HMGB1: variants seen among roughly 807,000 people sequenced by gnomAD.
HMGB1 encodes high mobility group box 1, also known as high mobility group protein B1.
For synonymous variants in HMGB1, 81 were observed against 84.0 expected (o/e 0.96, Z 0.19); for missense variants, 79 against 253.5 (o/e 0.31, Z 4.67).
At chr13:30,466,463 C>T (rs1040100458), upstream of HMGB1, among the ~76,000 whole-genome samples, 8 of 152,194 alleles carry the variant, frequency 5.3e-5, no homozygotes, top group Non-Finnish European at 4.4e-5. Flanking sequence ...TCGAGCCCCT[C>T]AAAGGTCTCT....
At chr13:30,573,553 T>C (rs934630885) in intron 1 of HMGB1, among the ~76,000 whole-genome samples, 2 of 152,224 alleles carry the variant, frequency 1.3e-5, no homozygotes, top group Non-Finnish European at 2.9e-5. Flanking sequence ...CCATATAATT[T>C]GTAAAAAATT....
At chr13:30,479,572 T>C (rs1298014130) in intron 1 of HMGB1, among the ~76,000 whole-genome samples, 1 of 152,264 alleles carries the variant, frequency 6.6e-6, no homozygotes, top group African/African-American at 2.4e-5. Context: ...TCTTTTGTTC[T>C]GGCATTTATT....
chr13:30,554,813 A>T, intron 1 of HMGB1: 1 of 760,138 alleles, frequency 1.3e-6, no homozygotes, highest in Non-Finnish European at 2.4e-6. Flanking sequence ...CAAGATAGAC[A>T]CCTAATATTC....
intron 1 of HMGB1, among the ~76,000 whole-genome samples, chr13:30,558,323 G>C (rs1869779219): frequency 6.6e-6 from 1 of 152,104 alleles, no homozygotes; most frequent in Non-Finnish European, 1.5e-5. Flanking sequence ...TCTGTAATTT[G>C]ATGCAATTCA....
chr13:30,522,437 T>G (rs550460066), intron 1 of HMGB1, among the ~76,000 whole-genome samples: 1 of 151,966 alleles, frequency 6.6e-6, no homozygotes, highest in East Asian at 1.9e-4. Context: ...GACCATTGCC[T>G]TTTTACCCCT....
intron 1 of HMGB1, among the ~76,000 whole-genome samples, chr13:30,506,903 G>A (rs185782329): frequency 1.8e-3 from 280 of 152,206 alleles, no homozygotes; most frequent in Middle Eastern, 3.4e-3. Flanking sequence ...TGCTCACTCC[G>A]AAGGTGCTCA....
chr13:30,582,728 T>C (rs1249311858), intron 1 of HMGB1, among the ~76,000 whole-genome samples: 1 of 152,146 alleles, frequency 6.6e-6, no homozygotes, highest in Admixed American at 6.6e-5. Context: ...TTAAATCAAT[T>C]GGTATATTTG....
At chr13:30,549,803 G>A (rs975257631) in intron 1 of HMGB1, among the ~76,000 whole-genome samples, 1 of 151,358 alleles carries the variant, frequency 6.6e-6, no homozygotes, top group Non-Finnish European at 1.5e-5. Context: ...TGCAACCTCC[G>A]CCTCTCGGGT....
rs1370853117 is a variant in HMGB1 at position 30,459,820 on chromosome 13, A to G, written c.*1537T>C. The G allele has an allele frequency of 6.6e-6, 1 of 152,474 alleles. No homozygotes were observed. Among genetic ancestry groups the G allele is most frequent in the East Asian group, 1.9e-4 (1 of 5,206 alleles). 9.4% of individuals were successfully genotyped at this position (152,474 alleles called of 1,614,324 possible). On this transcript the variant is annotated 3_prime_UTR_variant, in exon 5 of 5. Coordinates refer to ENST00000341423, the MANE Select transcript of HMGB1 (RefSeq NM_002128.7). ...TTTAAAAATATGTAACAAAATCTTA[A>G]GTTCTTAAGTGAAAGCCATTTAACT...
chr13:30,514,117 C>T (rs918195650), intron 1 of HMGB1, among the ~76,000 whole-genome samples: 3 of 151,994 alleles, frequency 2.0e-5, no homozygotes, highest in Admixed American at 6.6e-5. Context: ...TGATAGCTCT[C>T]ATCTGGACTG....
intron 1 of HMGB1, among the ~76,000 whole-genome samples, chr13:30,590,822 C>A (rs1304459469): frequency 6.6e-6 from 1 of 152,104 alleles, no homozygotes; most frequent in East Asian, 1.9e-4. Context: ...CACGAAGGCA[C>A]CATGTTGGAA....
At chr13:30,492,338 A>G (rs1386002275) in intron 1 of HMGB1, among the ~76,000 whole-genome samples, 2 of 152,090 alleles carry the variant, frequency 1.3e-5, no homozygotes, top group African/African-American at 2.4e-5. Context: ...AAAATTATTC[A>G]TACATTAAAA....
intron 1 of HMGB1, among the ~76,000 whole-genome samples, chr13:30,550,858 C>T (rs932686202): frequency 7.9e-5 from 12 of 152,222 alleles, no homozygotes; most frequent in African/African-American, 2.9e-4. Context: ...AATACATGTA[C>T]TTTCTAAACT....
intron 1 of HMGB1, among the ~76,000 whole-genome samples, chr13:30,482,798 TTTA>T (rs1887263622): frequency 6.6e-6 from 1 of 152,156 alleles, no homozygotes; most frequent in Non-Finnish European, 1.5e-5. Context: ...TTTGTTGTTG[TTTA>T]AATAGAGACA....
intron 1 of HMGB1, among the ~76,000 whole-genome samples, chr13:30,565,855 T>A (rs1224545041): frequency 6.6e-6 from 1 of 152,256 alleles, no homozygotes; most frequent in Non-Finnish European, 1.5e-5. Flanking sequence ...ACTTCCCTAC[T>A]ATCTGTAACA....
chr13:30,508,990 A>C (rs1018651954), intron 1 of HMGB1, among the ~76,000 whole-genome samples: 2 of 150,386 alleles, frequency 1.3e-5, no homozygotes, highest in Non-Finnish European at 3.0e-5. Context: ...GCTGGAGTGC[A>C]GTGGTGCTAT....
At chr13:30,609,514 G>A (rs1950494227) in intron 1 of HMGB1, among the ~76,000 whole-genome samples, 1 of 152,120 alleles carries the variant, frequency 6.6e-6, no homozygotes, top group South Asian at 2.1e-4. Context: ...CACCGAGTGT[G>A]CCTGCCTCTC....
chr13:30,574,378 T>C (rs1593320708), intron 1 of HMGB1, among the ~76,000 whole-genome samples: 1 of 152,368 alleles, frequency 6.6e-6, no homozygotes, highest in South Asian at 2.1e-4. Context: ...GCTCATCTTA[T>C]TAAGTTCTGT....
intron 1 of HMGB1, among the ~76,000 whole-genome samples, chr13:30,555,120 C>T (rs1207675975): frequency 7.2e-6 from 1 of 139,778 alleles, no homozygotes; most frequent in African/African-American, 2.7e-5. Context: ...CGGCTCACTG[C>T]AAGCTCCGCC....
Sources: allele counts gnomAD v4.1 joint callset (sites outside exome capture counted in the v4.1 genomes callset), GRCh38; gene constraint gnomAD v4.1.1; transcripts MANE v1.5; gene names NCBI Gene and HGNC (gene_info 2026-07-23, HGNC 2026-07-21).